The following RTCB variants were observed in gnomAD, a reference collection of about 807,000 sequenced individuals.
RTCB encodes RNA-splicing ligase RTCB.
RTCB carries 32 observed loss-of-function variants against 58.2 expected under a neutral mutation model. That is an observed-to-expected ratio of 0.55 (90% CI 0.41 to 0.74). The LOEUF is 0.74. RTCB is among the 30% of genes least tolerant of loss of function. The pLI is 0.00. For synonymous variants in RTCB, 247 were observed against 218.6 expected (o/e 1.13, Z -1.15); for missense variants, 523 against 639.0 (o/e 0.82, Z 1.96).
At chr22:32,388,122 T>C in intron 11 of RTCB, 23 bp from the exon 12 acceptor site, 2 of 1,446,720 alleles carry the variant, frequency 1.4e-6, no homozygotes, top group South Asian at 1.1e-5. Flanking sequence ...AATTTAAACA[T>C]TGTACAAGTC....
rs1390262300 is a variant in RTCB at position 32,396,094 on chromosome 22, T to C, written c.970A>G (p.Met324Val). Residue 324 changes from methionine (M) to valine (V), a missense_variant, in exon 8 of 12, where the codon ATG becomes GTG. Physicochemically the swap from Met to Val is conservative, Grantham distance 21 (BLOSUM62 1). Around this residue, in one of 3 missense-constraint regions of RTCB, gnomAD observed 248 missense variants for 292.5 expected, o/e 0.85. Transcript: ENST00000216038. ...TGTACCTGACGGGTTAAGAAGGTCA[T>C]GGAAGAGCGGTTGACCCAGGCATAG... ...GNYAWVNRSS[M>V]TFLTRQAFAK... 1.7e-5 allele frequency: 28 copies of C among 1,614,084 alleles called. No individual in the cohort carries two copies. The highest frequency in any genetic ancestry group is 2.1e-5 in the Non-Finnish European group (25 of 1,179,952).
intron 5 of RTCB, 114 bp downstream of exon 5, chr22:32,401,633 C>T: frequency 8.2e-7 from 1 of 1,215,106 alleles, no homozygotes; most frequent in Non-Finnish European, 1.1e-6. Context: ...TTACTACTTC[C>T]TGAAAAGTAA....
chr22:32,391,301 G>A (rs781436590), intron 11 of RTCB, among the ~76,000 whole-genome samples: 8 of 151,732 alleles, frequency 5.3e-5, no homozygotes, highest in Non-Finnish European at 1.2e-4. Context: ...ATAATAATGT[G>A]CAAAATTTTA....
At chr22:32,403,351 G>C (rs1472900190) in intron 4 of RTCB, among the ~76,000 whole-genome samples, 1 of 151,778 alleles carries the variant, frequency 6.6e-6, no homozygotes, top group South Asian at 2.1e-4. Context: ...AGCTTGCAGT[G>C]AGCCAAGATT....
intron 11 of RTCB, among the ~76,000 whole-genome samples, chr22:32,391,057 C>T (rs1933146837): frequency 6.6e-6 from 1 of 152,174 alleles, no homozygotes; most frequent in South Asian, 2.1e-4. Flanking sequence ...CTGCATTGGC[C>T]TCCCAAAGTA....
Position 32,396,191 on chromosome 22 carries a change from C to T in RTCB, c.873G>A (p.Arg291=). Residue 291 remains arginine, a synonymous_variant, in exon 8 of 12, where the codon CGG becomes CGA. Transcript: ENST00000216038. ...MKRDKIIVND[R]QLACARIASP... ...AAGCGATTCGAGCACAAGCCAACTGCCGATCATTGACTATAATCTTGTCTC... is the reference window on the plus strand; with the variant it reads ...AAGCGATTCGAGCACAAGCCAACTGTCGATCATTGACTATAATCTTGTCTC... The T allele has an allele frequency of 1.2e-6, 2 of 1,614,222 alleles. No homozygotes were observed. Among genetic ancestry groups the T allele is most frequent in the Non-Finnish European group, 1.7e-6 (2 of 1,180,026 alleles).
At chr22:32,398,744 C>T (rs1161123405) in intron 6 of RTCB, among the ~76,000 whole-genome samples, 1 of 152,144 alleles carries the variant, frequency 6.6e-6, no homozygotes, top group Non-Finnish European at 1.5e-5. Context: ...TAGACAAGGT[C>T]CAAGTTCAAA....
intron 4 of RTCB, among the ~76,000 whole-genome samples, chr22:32,402,381 G>A (rs1035095470): frequency 6.6e-6 from 1 of 152,088 alleles, no homozygotes; most frequent in Non-Finnish European, 1.5e-5. Context: ...CCCAATTTGT[G>A]CATTTAAGGC....
At chr22:32,392,439 G>T (rs527981963) in intron 10 of RTCB, 80 bp from the exon 11 acceptor site, 2 of 1,578,148 alleles carry the variant, frequency 1.3e-6, no homozygotes, top group African/African-American at 1.4e-5. Flanking sequence ...ACACTAAAAA[G>T]GAGCTTAAAA....
At chr22:32,393,416 G>A (rs1465046881) in intron 10 of RTCB, among the ~76,000 whole-genome samples, 2 of 152,158 alleles carry the variant, frequency 1.3e-5, no homozygotes, top group Non-Finnish European at 2.9e-5. Context: ...GAAGATGAGA[G>A]GCAGTGTTTT....
At chr22:32,398,415 G>A (rs200348001) in intron 6 of RTCB, among the ~76,000 whole-genome samples, 2 of 152,170 alleles carry the variant, frequency 1.3e-5, no homozygotes, top group South Asian at 2.1e-4. Flanking sequence ...GAGAACACAT[G>A]GACACAGGGA....
chr22:32,406,756 A>G lies in RTCB; in HGVS notation c.246T>C (p.Ser82=). The change falls in exon 4 of 12, where the codon TCT becomes TCC. Residue 82 remains serine, a synonymous_variant. Coordinates refer to ENST00000216038, the MANE Select transcript of RTCB (RefSeq NM_014306.5). ...CTGAATGGACATCAGGAAGCCCAAT[A>G]GATCGCTGAAAAAGAATTAGAAAAT... ...VAALPGIVHR[S]IGLPDVHSGY... is the part of the protein sequence containing the mutation. 6.2e-7 allele frequency: 1 copy of G among 1,608,876 alleles called. No individual in the cohort carries two copies. Among genetic ancestry groups the G allele is most frequent in the South Asian group, 1.1e-5 (1 of 90,996 alleles).
intron 8 of RTCB, 83 bp from the exon 9 acceptor site, chr22:32,395,297 G>T: frequency 1.6e-6 from 2 of 1,214,462 alleles, no homozygotes; most frequent in Non-Finnish European, 2.4e-6. Flanking sequence ...ACTGGTTTCA[G>T]GTAGTCTGTT....
intron 11 of RTCB, among the ~76,000 whole-genome samples, chr22:32,391,276 GAC>G (rs1000985852): frequency 6.6e-6 from 1 of 151,940 alleles, no homozygotes; most frequent in African/African-American, 2.4e-5. Context: ...TTTAAAAAGT[GAC>G]ACAAACAATT....
intron 1 of RTCB, 37 bp from the exon 2 acceptor site, chr22:32,408,870 C>A: frequency 6.9e-7 from 1 of 1,452,456 alleles, no homozygotes. Context: ...TGTCTGAGTA[C>A]ATGCGCGGCA....
chr22:32,406,672 T>C lies in RTCB; in HGVS notation c.330A>G (p.Val110=). The C allele has an allele frequency of 6.2e-7, 1 of 1,609,188 alleles. No individual in the cohort carries two copies. Among genetic ancestry groups the C allele is most frequent in the South Asian group, 1.1e-5 (1 of 90,994 alleles). The part of the protein sequence containing the change: ...AAFDMNDPEA[V]VSPGGVGFDI... ...CCACAGTGATCTTACCTGGGGATAC[T>C]ACTGCTTCAGGGTCATTCATATCAA... Residue 110 remains valine (V), a synonymous_variant, in exon 4 of 12, where the codon GTA becomes GTG. Transcript: ENST00000216038.
intron 7 of RTCB, 79 bp from the exon 8 acceptor site, chr22:32,396,328 C>T: frequency 7.1e-7 from 1 of 1,414,188 alleles, no homozygotes; most frequent in Non-Finnish European, 9.7e-7. Flanking sequence ...GAAAGGTAGG[C>T]TACATTCAAA....
At chr22:32,393,227 T>G (rs146588410) in intron 10 of RTCB, among the ~76,000 whole-genome samples, 2 of 152,360 alleles carry the variant, frequency 1.3e-5, no homozygotes, top group African/African-American at 2.4e-5. Context: ...TGAGCAACCA[T>G]GCCTGGCCTA....
intron 8 of RTCB, among the ~76,000 whole-genome samples, chr22:32,395,733 C>A (rs1458759838): frequency 2.0e-5 from 3 of 152,076 alleles, no homozygotes; most frequent in Non-Finnish European, 4.4e-5. Context: ...CTCACTCTGT[C>A]ACCCAGGCTG....
Sources: gnomAD v4.1 joint callset for allele counts (sites outside exome capture counted in the v4.1 genomes callset) on GRCh38, gnomAD v4.1.1 for gene constraint, gnomAD v4.1.1 regional missense constraint, MANE v1.5 for transcripts, NCBI Gene and HGNC (gene_info 2026-07-23, HGNC 2026-07-21) for gene names.